The following FITM1 variants were observed in gnomAD, a reference collection of about 807,000 sequenced individuals.
FITM1 encodes fat storage-inducing transmembrane protein 1.
FITM1 carries 11 observed loss-of-function variants against 22.2 expected under a neutral mutation model. The observed-to-expected ratio is 0.50, with a 90% CI of 0.31 to 0.82. FITM1 has a LOEUF of 0.82. FITM1 is among the 40% of genes least tolerant of loss of function. FITM1 has a pLI of 0.04. For missense variants in FITM1, 394 were observed against 386.4 expected (o/e 1.02, Z -0.17); for synonymous variants, 164 against 174.0 (o/e 0.94, Z 0.45).
Position 24,131,586 on chromosome 14 carries a change from G to C in FITM1, c.23G>C (p.Gly8Ala), listed in dbSNP as rs777567712. MERGPVVGAGLGAGARIQ... is the reference protein window; with the variant it reads MERGPVVAAGLGAGARIQ... The stretch of plus-strand genomic sequence containing the variant: ...AACATGGAGCGGGGGCCGGTGGTGG[G>C]GGCAGGACTGGGGGCCGGGGCCCGA... Residue 8 changes from glycine to alanine, a missense_variant, in exon 1 of 2, where the codon GGG becomes GCG. Transcript: ENST00000267426. The C allele has an allele frequency of 1.3e-5, 20 of 1,598,550 alleles. No individual in the cohort carries two copies. The highest frequency in any genetic ancestry group is 1.7e-5 in the Admixed American group (1 of 59,124).
Position 24,132,743 on chromosome 14 carries a change from TG to T in FITM1, c.801del (p.Trp267CysfsTer?), listed in dbSNP as rs779163531. On this transcript the variant is annotated frameshift_variant, in exon 2 of 2. Coordinates refer to ENST00000267426, the MANE Select transcript of FITM1 (RefSeq NM_203402.3). LOFTEE classifies it high-confidence loss of function. ...TGCCTGGTACCTCACCTATGGCAGC[TG>T]GTATCATCAGCCCTGGTCTCCAGGG... is the stretch of plus-strand genomic sequence containing the variant. ...TFAWYLTYGSWYHQPWSPGSP... is the reference protein window; with the variant it reads ...TFAWYLTYGSXYHQPWSPGSP... The T allele has an allele frequency of 9.3e-6, 15 of 1,613,820 alleles. No individual in the cohort carries two copies. The highest frequency in any genetic ancestry group is 1.3e-5 in the Non-Finnish European group (15 of 1,179,962).
Position 24,132,501 on chromosome 14 carries a change from A to G in FITM1, c.557A>G (p.His186Arg). Residue 186 changes from histidine to arginine, a missense_variant, in exon 2 of 2, where the codon CAC becomes CGC. By Grantham distance (29) the His-to-Arg change is conservative (BLOSUM62 0). Coordinates refer to ENST00000267426, the MANE Select transcript of FITM1 (RefSeq NM_203402.3). The part of the protein sequence containing the change: ...HQWRGYTVSS[H>R]TFLLTFCCLL... ...TGGCGAGGCTACACCGTCTCCTCCCACACCTTCCTGCTCACCTTTTGCTGC... is the reference window on the plus strand; with the variant it reads ...TGGCGAGGCTACACCGTCTCCTCCCGCACCTTCCTGCTCACCTTTTGCTGC... The G allele has an allele frequency of 6.2e-7, 1 of 1,603,756 alleles. No individual in the cohort carries two copies. The highest frequency in any genetic ancestry group is 8.5e-7 in the Non-Finnish European group (1 of 1,179,944).
Position 24,131,766 on chromosome 14 carries a change from C to T in FITM1, c.203C>T (p.Pro68Leu), listed in dbSNP as rs200932744. The T allele has an allele frequency of 1.1e-5, 18 of 1,613,410 alleles. No individual in the cohort carries two copies. Among genetic ancestry groups the T allele is most frequent in the Middle Eastern group, 1.7e-4 (1 of 5,974 alleles). ...AWLAAVVIFG[P>L]LLQFHVNPRT... is the part of the protein sequence containing the mutation. ...CTGGCAGCAGTGGTCATCTTTGGGC[C>T]GCTTCTGCAGTTCCATGTCAACCCT... The change falls in exon 1 of 2, where the codon CCG (proline) becomes CTG (leucine). Residue 68 changes from proline (P) to leucine (L), a missense_variant. Transcript: ENST00000267426.
In FITM1 at chr14:24,132,492, T is replaced by C; in HGVS notation, c.548T>C (p.Val183Ala). 1 of 1,603,916 alleles carries C rather than the reference T, an allele frequency of 6.2e-7. No homozygotes were observed. ...GGCCACCAGTGGCGAGGCTACACCG[T>C]CTCCTCCCACACCTTCCTGCTCACC... ...AAGHQWRGYTVSSHTFLLTFC... is the reference protein window; with the variant it reads ...AAGHQWRGYTASSHTFLLTFC... Residue 183 changes from valine (V) to alanine (A), a missense_variant, in exon 2 of 2, where the codon GTC becomes GCC. Coordinates refer to ENST00000267426, the MANE Select transcript of FITM1 (RefSeq NM_203402.3).
rs2139035319 is a variant in FITM1, at chr14:24,132,247, T to C, written c.303T>C (p.Thr101=). The C allele has an allele frequency of 2.5e-6, 4 of 1,612,984 alleles. No individual in the cohort carries two copies. Among genetic ancestry groups the C allele is most frequent in the Non-Finnish European group, 3.4e-6 (4 of 1,179,626 alleles). ...FVNSAWGWTC[T]FLGGFVLLVV... is the part of the protein sequence containing the mutation. Reference sequence around the variant, plus strand: ...ATTCAGCCTGGGGCTGGACATGCACTTTCTTAGGGGGCTTTGTGTTGCTGG... The same window carrying C: ...ATTCAGCCTGGGGCTGGACATGCACCTTCTTAGGGGGCTTTGTGTTGCTGG... Residue 101 remains threonine (T), a synonymous_variant, in exon 2 of 2, where the codon ACT becomes ACC. Coordinates refer to ENST00000267426, the MANE Select transcript of FITM1 (RefSeq NM_203402.3).
chr14:24,132,330 T>A lies in FITM1; in HGVS notation c.386T>A (p.Val129Glu). 6.2e-7 allele frequency: 1 copy of A among 1,614,094 alleles called. No individual in the cohort carries two copies. The highest frequency in any genetic ancestry group is 8.5e-7 in the Non-Finnish European group (1 of 1,180,004). ...AVTARHLSRL[V>E]VGAAVWRGAG... is the part of the protein sequence containing the mutation. ...ACTGCCAGACACCTGAGCCGACTGGTAGTAGGGGCAGCCGTGTGGCGGGGA... is the reference window on the plus strand; with the variant it reads ...ACTGCCAGACACCTGAGCCGACTGGAAGTAGGGGCAGCCGTGTGGCGGGGA... Residue 129 changes from valine to glutamate, a missense_variant, in exon 2 of 2, where the codon GTA (valine) becomes GAA (glutamate). Physicochemically the swap from Val to Glu is moderately radical, Grantham distance 121. Coordinates refer to ENST00000267426, the MANE Select transcript of FITM1 (RefSeq NM_203402.3).
chr14:24,131,804 G>T lies in FITM1; in HGVS notation c.241G>T (p.Ala81Ser). ...QFHVNPRTIFASHGNFFNIKF... is the reference protein window; with the variant it reads ...QFHVNPRTIFSSHGNFFNIKF... ...CCATGTCAACCCTCGGACTATCTTC[G>T]CCAGCCACGGCAACTTCTTCAACAT... The change falls in exon 1 of 2, where the codon GCC (alanine) becomes TCC (serine). Residue 81 changes from alanine (A) to serine (S), a missense_variant. Ala to Ser is a moderately conservative substitution (Grantham distance 99). Coordinates refer to ENST00000267426, the MANE Select transcript of FITM1 (RefSeq NM_203402.3). 6.3e-7 allele frequency: 1 copy of T among 1,592,302 alleles called. No homozygotes were observed. Among genetic ancestry groups the T allele is most frequent in the Non-Finnish European group, 8.6e-7 (1 of 1,167,776 alleles).
In FITM1 at chr14:24,131,584, G is replaced by C. The variant is rs553480983; in HGVS notation, c.21G>C (p.Val7=). Residue 7 remains valine (V), a synonymous_variant, in exon 1 of 2, where the codon GTG becomes GTC. Coordinates refer to ENST00000267426, the MANE Select transcript of FITM1 (RefSeq NM_203402.3). The part of the protein sequence containing the change: MERGPV[V]GAGLGAGARI... Reference sequence around the variant, plus strand: ...GGAACATGGAGCGGGGGCCGGTGGTGGGGGCAGGACTGGGGGCCGGGGCCC... The same window carrying C: ...GGAACATGGAGCGGGGGCCGGTGGTCGGGGCAGGACTGGGGGCCGGGGCCC... 1 of 1,599,050 alleles carries C rather than the reference G, an allele frequency of 6.3e-7. No homozygotes were observed. Among genetic ancestry groups the C allele is most frequent in the South Asian group, 1.1e-5 (1 of 89,396 alleles).
Position 24,131,600 on chromosome 14 carries a change from G to T in FITM1, c.37G>T (p.Ala13Ser), listed in dbSNP as rs1566598351. 6.5e-7 allele frequency: 1 copy of T among 1,543,572 alleles called. No homozygotes were observed. Among genetic ancestry groups the T allele is most frequent in the South Asian group, 1.1e-5 (1 of 88,828 alleles). The change falls in exon 1 of 2, where the codon GCC (alanine) becomes TCC (serine). Residue 13 changes from alanine (A) to serine (S), a missense_variant. Transcript: ENST00000267426. ...RGPVVGAGLG[A>S]GARIQALLGC... ...GCCGGTGGTGGGGGCAGGACTGGGGGCCGGGGCCCGAATCCAGGCACTGCT... is the reference window on the plus strand; with the variant it reads ...GCCGGTGGTGGGGGCAGGACTGGGGTCCGGGGCCCGAATCCAGGCACTGCT...
intron 1 of FITM1, 176 bp downstream of exon 1, chr14:24,132,005 A>G: frequency 8.4e-7 from 1 of 1,195,868 alleles, no homozygotes; most frequent in Non-Finnish European, 1.1e-6. Flanking sequence ...AGTTGGGAAC[A>G]GGACTAAAGA....
intron 1 of FITM1, 48 bp downstream of exon 1, chr14:24,131,877 C>G: frequency 6.6e-7 from 1 of 1,522,178 alleles, no homozygotes; most frequent in Non-Finnish European, 8.8e-7. Flanking sequence ...ACTCTGGGAT[C>G]CTAGCTCCCT....
Position 24,131,531 on chromosome 14 carries a change from C to G in FITM1, c.-33C>G, listed in dbSNP as rs915280515. 5.8e-6 allele frequency: 9 copies of G among 1,538,856 alleles called. No individual in the cohort carries two copies. Among genetic ancestry groups the G allele is most frequent in the Non-Finnish European group, 7.0e-6 (8 of 1,139,976 alleles). On this transcript the variant is annotated 5_prime_UTR_variant, in exon 1 of 2. Transcript: ENST00000267426. ...CATCAGCCCCTCCTCAGCTGCCCAGCAAAGCAAGCAGTTAGTGGGGAGGGG... is the reference window on the plus strand; with the variant it reads ...CATCAGCCCCTCCTCAGCTGCCCAGGAAAGCAAGCAGTTAGTGGGGAGGGG...
At position 24,131,701 on chromosome 14, in the gene FITM1, T is replaced by A; in HGVS notation, c.138T>A (p.Leu46=). 1 of 1,614,180 alleles carries A rather than the reference T, an allele frequency of 6.2e-7. No individual in the cohort carries two copies. Among genetic ancestry groups the A allele is most frequent in the Non-Finnish European group, 8.5e-7 (1 of 1,180,042 alleles). Residue 46 remains leucine, a synonymous_variant, in exon 1 of 2, where the codon CTT becomes CTA. Coordinates refer to ENST00000267426, the MANE Select transcript of FITM1 (RefSeq NM_203402.3). ...TTGGAAGCGAACAGGCCGCCCGCCT[T>A]CTGGGCAGCCCCTGCTTACGGCGCC... ...LYFGSEQAAR[L]LGSPCLRRLY...
In FITM1 at chr14:24,130,720, G is replaced by A. The variant is rs1179214904; in HGVS notation, c.-844G>A. Among the ~76,000 whole-genome samples, 2 of 152,236 alleles carry A rather than the reference G, an allele frequency of 1.3e-5. No homozygotes were observed. The stretch of plus-strand genomic sequence containing the variant: ...CTGGGAGGGCAGGCTTATATGGAGA[G>A]CCCTGAGGCCCAGGGTAGTTGGTTG... On this transcript the variant is annotated 5_prime_UTR_variant, in exon 1 of 2. Transcript: ENST00000267426.
chr14:24,131,418 C>A lies in FITM1; in HGVS notation c.-146C>A. On this transcript the variant is annotated 5_prime_UTR_variant, in exon 1 of 2. Coordinates refer to ENST00000267426, the MANE Select transcript of FITM1 (RefSeq NM_203402.3). ...CACCCTGGCCCCTTACTGCCCCCCG[C>A]CCCTCTCCCCCACCTGCCAGCTGCC... 1.2e-6 allele frequency: 1 copy of A among 828,412 alleles called. No individual in the cohort carries two copies. Among genetic ancestry groups the A allele is most frequent in the Non-Finnish European group, 2.0e-6 (1 of 501,356 alleles). The allele number at this position is 828,412 out of a possible 1,614,324, so 51.3% of individuals were successfully genotyped here.
Position 24,132,499 on chromosome 14 carries a change from C to T in FITM1, c.555C>T (p.Ser185=). 1 of 1,603,858 alleles carries T rather than the reference C, an allele frequency of 6.2e-7. No individual in the cohort carries two copies. Among genetic ancestry groups the T allele is most frequent in the East Asian group, 2.2e-5 (1 of 44,886 alleles). The change falls in exon 2 of 2, where the codon TCC becomes TCT. Residue 185 remains serine, a synonymous_variant. Coordinates refer to ENST00000267426, the MANE Select transcript of FITM1 (RefSeq NM_203402.3). The part of the protein sequence containing the change: ...GHQWRGYTVS[S]HTFLLTFCCL... ...AGTGGCGAGGCTACACCGTCTCCTC[C>T]CACACCTTCCTGCTCACCTTTTGCT...
At position 24,132,396 on chromosome 14, in the gene FITM1, C is replaced by T; in HGVS notation, c.452C>T (p.Ser151Phe). The T allele has an allele frequency of 6.2e-7, 1 of 1,611,254 alleles. No homozygotes were observed. The highest frequency in any genetic ancestry group is 8.5e-7 in the Non-Finnish European group (1 of 1,179,582). Residue 151 changes from serine (S) to phenylalanine (F), a missense_variant, in exon 2 of 2, where the codon TCC (serine) becomes TTC (phenylalanine). Transcript: ENST00000267426. ...CTGCTCATCGAGGACCTGACTGGCT[C>T]CTGCTTCGAGCCACTGCCCCAGGGT... ...AFLLIEDLTGSCFEPLPQGLL... is the reference protein window; with the variant it reads ...AFLLIEDLTGFCFEPLPQGLL...
In FITM1 at chr14:24,131,813, G is replaced by A. The variant is rs201175453; in HGVS notation, c.250G>A (p.Gly84Ser). 20 of 1,591,160 alleles carry A rather than the reference G, an allele frequency of 1.3e-5. No homozygotes were observed. The highest frequency in any genetic ancestry group is 1.2e-4 in the Admixed American group (7 of 58,440). ...CCCTCGGACTATCTTCGCCAGCCAC[G>A]GCAACTTCTTCAACATGTGAGTCCA... Reference protein sequence around the residue: ...VNPRTIFASHGNFFNIKFVNS... With the variant: ...VNPRTIFASHSNFFNIKFVNS... The change falls in exon 1 of 2, where the codon GGC becomes AGC. Residue 84 changes from glycine to serine, a missense_variant. Gly to Ser is a moderately conservative substitution (Grantham distance 56). Transcript: ENST00000267426.
In FITM1 at chr14:24,131,193, C is replaced by A; in HGVS notation, c.-371C>A. 1 of 541,918 alleles carries A rather than the reference C, an allele frequency of 1.8e-6. No homozygotes were observed. Among genetic ancestry groups the A allele is most frequent in the South Asian group, 2.6e-5 (1 of 38,856 alleles). The allele number at this position is 541,918 out of a possible 1,614,324, so 33.6% of individuals were successfully genotyped here. ...CATGACCTCTGATTTCCCTGTGGAG[C>A]AAATGGTAAAGTAGGGGTGGGTGGA... On this transcript the variant is annotated 5_prime_UTR_variant, in exon 1 of 2. Coordinates refer to ENST00000267426, the MANE Select transcript of FITM1 (RefSeq NM_203402.3).
Sources: allele counts gnomAD v4.1 joint callset (sites outside exome capture counted in the v4.1 genomes callset), GRCh38; gene constraint gnomAD v4.1.1; transcripts MANE v1.5; gene names NCBI Gene and HGNC (gene_info 2026-07-23, HGNC 2026-07-21).